KIF15: variants seen among roughly 807,000 people sequenced by gnomAD.
The protein encoded by KIF15 is kinesin-like protein KIF15.
KIF15 carries 140 observed loss-of-function variants against 190.6 expected under a neutral mutation model. That is an observed-to-expected ratio of 0.73 (90% CI 0.64 to 0.84). The LOEUF (loss-of-function observed/expected upper bound fraction) is 0.84. Ranked by LOEUF, KIF15 falls within the 40% of genes least tolerant of loss-of-function variation. The pLI, the probability that KIF15 is intolerant of heterozygous loss-of-function variation, is 0.00. For missense variants in KIF15, 1,372 were observed against 1,584.4 expected (o/e 0.87, Z 2.28); for synonymous variants, 528 against 551.3 (o/e 0.96, Z 0.59).
chr3:44,850,118 A>G (rs1033072071), intron 32 of KIF15, among the ~76,000 whole-genome samples: 2 of 152,226 alleles, frequency 1.3e-5, no homozygotes, highest in Non-Finnish European at 2.9e-5. Context: ...TTTGAACTTT[A>G]TGCAAGTAAA....
At chr3:44,797,346 C>A (rs1707037301) in intron 8 of KIF15, among the ~76,000 whole-genome samples, 1 of 152,144 alleles carries the variant, frequency 6.6e-6, no homozygotes, top group African/African-American at 2.4e-5. Flanking sequence ...TCTTCTAATA[C>A]TAAAATTACA....
At chr3:44,790,701 T>C (rs1043021567) in intron 7 of KIF15, among the ~76,000 whole-genome samples, 1 of 142,876 alleles carries the variant, frequency 7.0e-6, no homozygotes, top group African/African-American at 2.6e-5. Context: ...GTTTCTTTTT[T>C]TTTTTTTTTT....
chr3:44,839,435 AC>A (rs1339219868), intron 27 of KIF15, among the ~76,000 whole-genome samples: 2 of 152,336 alleles, frequency 1.3e-5, no homozygotes, highest in Non-Finnish European at 1.5e-5. Context: ...GTTAGATTTC[AC>A]AATTACTTTT....
intron 26 of KIF15, among the ~76,000 whole-genome samples, chr3:44,832,628 G>C (rs549575392): frequency 9.3e-4 from 141 of 152,140 alleles, no homozygotes; most frequent in African/African-American, 3.3e-3. Context: ...GGACCTGTGG[G>C]GTAGATATCC....
At chr3:44,850,506 G>A (rs1251033028) in intron 32 of KIF15, among the ~76,000 whole-genome samples, 1 of 152,162 alleles carries the variant, frequency 6.6e-6, no homozygotes, top group Non-Finnish European at 1.5e-5. Context: ...ATGATATGCT[G>A]TCTCTGGAAC....
At chr3:44,827,939 A>G (rs1458797079) in intron 23 of KIF15, among the ~76,000 whole-genome samples, 1 of 152,114 alleles carries the variant, frequency 6.6e-6, no homozygotes. Flanking sequence ...TTGGCCTCCC[A>G]AAGTGCTGAG....
intron 16 of KIF15, 27 bp downstream of exon 16, chr3:44,806,013 C>T (rs1201057766): frequency 1.9e-6 from 3 of 1,605,948 alleles, no homozygotes; most frequent in South Asian, 2.2e-5. Context: ...ATACCTCCAC[C>T]TTAAATCAGT....
intron 1 of KIF15, among the ~76,000 whole-genome samples, chr3:44,771,597 A>G (rs1469590775): frequency 2.0e-5 from 3 of 152,210 alleles, no homozygotes; most frequent in Non-Finnish European, 4.4e-5. Flanking sequence ...GGTTTAAAAC[A>G]TTTGATTTTA....
intron 26 of KIF15, among the ~76,000 whole-genome samples, chr3:44,837,422 A>G (rs1417021269): frequency 6.6e-6 from 1 of 152,212 alleles, no homozygotes; most frequent in Non-Finnish European, 1.5e-5. Context: ...CAACCAAAAT[A>G]TTTAGTGATA....
intron 7 of KIF15, among the ~76,000 whole-genome samples, chr3:44,791,614 G>A (rs747147670): frequency 8.5e-5 from 13 of 152,074 alleles, no homozygotes; most frequent in Non-Finnish European, 1.6e-4. Flanking sequence ...TTTTGTTTTT[G>A]ATTTTTTATT....
intron 16 of KIF15, among the ~76,000 whole-genome samples, chr3:44,809,461 A>C (rs1199307847): frequency 6.6e-6 from 1 of 151,974 alleles, no homozygotes; most frequent in Non-Finnish European, 1.5e-5. Context: ...TATCTTTATG[A>C]CTTTTTTGCC....
At chr3:44,856,687 G>T (rs752173622), downstream of KIF15, among the ~76,000 whole-genome samples, 1 of 152,176 alleles carries the variant, frequency 6.6e-6, no homozygotes, top group Non-Finnish European at 1.5e-5. Flanking sequence ...TGCCCTGAGC[G>T]ATAGGATCTG....
rs532564666 is a variant in KIF15, at chr3:44,831,292, A to ACTGT, written c.3171+277_3171+280dup. On this transcript the variant is annotated intron_variant, in intron 26 of 34. Transcript: ENST00000326047. ...CCTCCTCTGGCAGTCTTATACATAT[A>ACTGT]CTGTCTCCTTTGAGGAGATAGTATT... 2.8e-3 allele frequency among the ~76,000 whole-genome samples: 425 copies of ACTGT among 152,268 alleles called. 2 individuals are homozygous for ACTGT. The highest frequency in any genetic ancestry group is 0.01 in the African/African-American group (421 of 41,542).
At chr3:44,804,879 C>A in intron 14 of KIF15, 148 bp from the exon 15 acceptor site, 1 of 682,456 alleles carries the variant, frequency 1.5e-6, no homozygotes, top group Non-Finnish European at 2.3e-6. Flanking sequence ...GAGGCTAAAG[C>A]AGGGGGTTCA....
At position 44,853,087 on chromosome 3, in the gene KIF15, A is replaced by G. The variant is rs1290181384; in HGVS notation, c.*352A>G. The G allele has an allele frequency of 1.2e-5, 2 of 161,972 alleles. No homozygotes were observed. Among genetic ancestry groups the G allele is most frequent in the African/African-American group, 4.8e-5 (2 of 41,854 alleles). The allele number at this position is 161,972 out of a possible 1,614,324, so 10.0% of individuals were successfully genotyped here. A position where few individuals can be genotyped will look rare whatever the true frequency, so the allele number is the denominator to read the frequency against. On this transcript the variant is annotated 3_prime_UTR_variant, in exon 35 of 35. Coordinates refer to ENST00000326047, the MANE Select transcript of KIF15 (RefSeq NM_020242.3). ...CATAATCTCCTTTGATTCTTATGGA[A>G]GTTCTAACAATATATGGTGGTTCCA...
At chr3:44,787,508 C>G (rs528702589) in intron 7 of KIF15, among the ~76,000 whole-genome samples, 49 of 151,720 alleles carry the variant, frequency 3.2e-4, no homozygotes, top group Non-Finnish European at 5.7e-4. Context: ...TCTCTTGATT[C>G]CAGCTGTTTA....
chr3:44,805,912 C>A lies in KIF15; in HGVS notation c.1897C>A (p.Leu633Ile), dbSNP rs978991557. The change falls in exon 16 of 35, where the codon CTT becomes ATT. Residue 633 changes from leucine to isoleucine, a missense_variant. Physicochemically the swap from Leu to Ile is conservative, Grantham distance 5. Transcript: ENST00000326047. The stretch of plus-strand genomic sequence containing the variant: ...AAAAGCGAACCTTAATCTTGAAAAC[C>A]TTTTGGAAGCAACAAAAGCCTGCAA... ...LQKANLNLENLLEATKACKRQ... is the reference protein window; with the variant it reads ...LQKANLNLENILEATKACKRQ... 57 of 1,614,108 alleles carry A rather than the reference C, an allele frequency of 3.5e-5. No individual in the cohort carries two copies. Among genetic ancestry groups the A allele is most frequent in the Non-Finnish European group, 4.7e-5 (56 of 1,179,988 alleles).
At chr3:44,829,510 C>CGTATATAATATGTATATATTATATATGT (rs1559574523) in intron 24 of KIF15, among the ~76,000 whole-genome samples, 2 of 37,138 alleles carry the variant, frequency 5.4e-5, no homozygotes, top group Admixed American at 3.2e-4. Flanking sequence ...ATAATATACG[C>CGTATATAATATGTATATATTATATATGT]ATATATATTA....
chr3:44,856,665 C>T (rs1032066029), downstream of KIF15, among the ~76,000 whole-genome samples: 1 of 152,158 alleles, frequency 6.6e-6, no homozygotes, highest in Non-Finnish European at 1.5e-5. Context: ...GCTACCTTAT[C>T]AGCATAAGCA....
Sources: allele counts gnomAD v4.1 joint callset (sites outside exome capture counted in the v4.1 genomes callset), GRCh38; gene constraint gnomAD v4.1.1; transcripts MANE v1.5; gene names NCBI Gene and HGNC (gene_info 2026-07-23, HGNC 2026-07-21).